GPBP1: variants seen among roughly 807,000 people sequenced by gnomAD.
GPBP1 encodes GC-rich promoter binding protein 1.
GPBP1 carries 13 observed loss-of-function variants against 56.5 expected under a neutral mutation model. The ratio of observed to expected loss-of-function variants is 0.23; its 90% CI spans 0.15 to 0.37. The LOEUF is 0.37. Ranked by LOEUF, GPBP1 falls within the 10% of genes least tolerant of loss-of-function variation. The probability of loss-of-function intolerance (pLI) is 1.00; values close to 1 mark genes in which losing one functional copy is unlikely to be tolerated. For synonymous variants in GPBP1, 204 were observed against 188.9 expected (o/e 1.08, Z -0.66); for missense variants, 477 against 572.3 (o/e 0.83, Z 1.70).
intron 2 of GPBP1, among the ~76,000 whole-genome samples, chr5:57,197,270 CATT>C (rs1468252624): frequency 2.0e-5 from 3 of 151,808 alleles, no homozygotes; most frequent in Admixed American, 6.6e-5. Context: ...GGAGAAGAAT[CATT>C]ATAGAATCTT....
At chr5:57,240,255 G>A (rs80191076) in intron 6 of GPBP1, among the ~76,000 whole-genome samples, 1 of 151,922 alleles carries the variant, frequency 6.6e-6, no homozygotes, top group Non-Finnish European at 1.5e-5. Context: ...TTTCTCCAAA[G>A]AAAGAAATGA....
At chr5:57,180,350 A>G (rs1055126499) in intron 2 of GPBP1, among the ~76,000 whole-genome samples, 2 of 152,158 alleles carry the variant, frequency 1.3e-5, no homozygotes, top group Admixed American at 6.5e-5. Flanking sequence ...TCCTGACCTC[A>G]GGTCAGATGA....
At chr5:57,184,951 A>T (rs1255190482) in intron 2 of GPBP1, among the ~76,000 whole-genome samples, 2 of 152,090 alleles carry the variant, frequency 1.3e-5, no homozygotes, top group Non-Finnish European at 2.9e-5. Flanking sequence ...CCCTGTGGGG[A>T]CATCTTAGTT....
chr5:57,213,664 T>G (rs1561343666), intron 2 of GPBP1, among the ~76,000 whole-genome samples: 1 of 152,168 alleles, frequency 6.6e-6, no homozygotes, highest in Non-Finnish European at 1.5e-5. Context: ...AATTTTATTT[T>G]AGGTGGGCAC....
intron 10 of GPBP1, among the ~76,000 whole-genome samples, chr5:57,252,656 G>A (rs890384985): frequency 6.6e-6 from 1 of 152,008 alleles, no homozygotes; most frequent in Non-Finnish European, 1.5e-5. Context: ...CCCTCCCAAA[G>A]TGCTAGGAGT....
chr5:57,225,970 CAT>C (rs1156284311), intron 3 of GPBP1, among the ~76,000 whole-genome samples: 8 of 152,212 alleles, frequency 5.3e-5, no homozygotes, highest in Non-Finnish European at 1.0e-4. Context: ...AAGTTAACGA[CAT>C]GTGTAGCAAC....
At chr5:57,215,716 G>A (rs1755672623) in intron 3 of GPBP1, among the ~76,000 whole-genome samples, 1 of 152,308 alleles carries the variant, frequency 6.6e-6, no homozygotes, top group East Asian at 1.9e-4. Flanking sequence ...GGCTGTTAGT[G>A]TTTGAATAAA....
At chr5:57,188,526 G>C (rs1350938582) in intron 2 of GPBP1, among the ~76,000 whole-genome samples, 1 of 151,976 alleles carries the variant, frequency 6.6e-6, no homozygotes, top group Non-Finnish European at 1.5e-5. Context: ...GGATTGCTCG[G>C]GAGTTTGCGA....
intron 6 of GPBP1, among the ~76,000 whole-genome samples, chr5:57,241,072 T>G (rs1740804806): frequency 6.6e-6 from 1 of 152,174 alleles, no homozygotes; most frequent in Admixed American, 6.5e-5. Context: ...ATCCAATAAA[T>G]GAAGGAGATT....
chr5:57,193,192 C>G (rs1295557638), intron 2 of GPBP1, among the ~76,000 whole-genome samples: 1 of 152,034 alleles, frequency 6.6e-6, no homozygotes, highest in Non-Finnish European at 1.5e-5. Context: ...TGGTGGGTGC[C>G]TGTAATCCCA....
rs752798244 is a variant in GPBP1, at chr5:57,231,243, T to C, written c.333T>C (p.His111=). ...IFHAGKSQGL[H]ENNIPDNETG... ...ATGCAGGAAAAAGCCAAGGACTACA[T>C]GAAAACAACATACCTGACAATGAAA... Residue 111 remains histidine, a synonymous_variant, in exon 5 of 12, where the codon CAT becomes CAC. Transcript: ENST00000506184. The C allele has an allele frequency of 1.2e-6, 2 of 1,614,088 alleles. No individual in the cohort carries two copies. The highest frequency in any genetic ancestry group is 1.7e-6 in the Non-Finnish European group (2 of 1,179,998).
intron 6 of GPBP1, among the ~76,000 whole-genome samples, chr5:57,236,284 GATA>G (rs1447983177): frequency 8.5e-5 from 13 of 152,166 alleles, no homozygotes; most frequent in African/African-American, 2.7e-4. Flanking sequence ...TGACTTAAAT[GATA>G]ATAAGTTAGT....
rs1753754569 is a variant in GPBP1 at position 57,175,368 on chromosome 5, G to T, written c.-1010-80G>T. 5 of 394,818 alleles carry T rather than the reference G, an allele frequency of 1.3e-5. No homozygotes were observed. In the Admixed American group the frequency reaches 2.2e-4, roughly 17 times the overall value. 24.5% of individuals were successfully genotyped at this position (394,818 alleles called of 1,614,324 possible). On this transcript the variant is annotated intron_variant, in intron 1 of 11. Coordinates refer to ENST00000506184, the MANE Select transcript of GPBP1 (RefSeq NM_022913.4). ...TATAGAAGTGATTTTCTCTCCAGAG[G>T]TTGACTTTTTAAGTTGGGGATTGAT...
At chr5:57,187,003 A>AGTGT (rs66642664) in intron 2 of GPBP1, among the ~76,000 whole-genome samples, 3,807 of 146,728 alleles carry the variant, frequency 0.026, 64 homozygotes, top group East Asian at 0.077. Flanking sequence ...GACTCAGAGA[A>AGTGT]GTGTGTGTGT....
intron 6 of GPBP1, among the ~76,000 whole-genome samples, chr5:57,245,284 G>A (rs902199288): frequency 2.2e-4 from 34 of 152,188 alleles, no homozygotes; most frequent in African/African-American, 7.9e-4. Flanking sequence ...TTATCCTTTA[G>A]CATTTCAATA....
Position 57,225,286 on chromosome 5 carries a change from G to A in GPBP1, c.64-5560G>A, listed in dbSNP as rs976852245. On this transcript the variant is annotated intron_variant, in intron 3 of 11. Transcript: ENST00000506184. Reference sequence around the variant, plus strand: ...ATCCTGGCTAACATGGTGAAACCCCGTCTCTACTAAAACCTGGCTAACATG... The same window carrying A: ...ATCCTGGCTAACATGGTGAAACCCCATCTCTACTAAAACCTGGCTAACATG... 7.7e-5 allele frequency among the ~76,000 whole-genome samples: 11 copies of A among 143,172 alleles called. 1 individual carries two copies. Among genetic ancestry groups the A allele is most frequent in the South Asian group, 6.9e-4 (3 of 4,370 alleles). 93.9% of individuals were successfully genotyped at this position (143,172 alleles called of 152,430 possible). A position where few individuals can be genotyped will look rare whatever the true frequency, so the allele number is the denominator to read the frequency against.
intron 7 of GPBP1, among the ~76,000 whole-genome samples, 185 bp downstream of exon 7, chr5:57,246,669 T>C (rs1246549847): frequency 6.6e-6 from 1 of 152,086 alleles, no homozygotes; most frequent in East Asian, 1.9e-4. Context: ...GTGTGTGTGG[T>C]TTTATTGTTT....
chr5:57,247,055 G>A lies in GPBP1; in HGVS notation c.664-20G>A, dbSNP rs375432915. On this transcript the variant is annotated intron_variant, in intron 7 of 11. Coordinates refer to ENST00000506184, the MANE Select transcript of GPBP1 (RefSeq NM_022913.4). ...TAACCTGTTTTTGATAGCCATTAAT[G>A]TTTGTGTGTTTTTCTTTAGCCTACA... is the stretch of plus-strand genomic sequence containing the variant. 2.3e-5 allele frequency: 36 copies of A among 1,596,942 alleles called. No individual in the cohort carries two copies. In the African/African-American group the frequency reaches 4.6e-4, roughly 20 times the overall value.
chr5:57,250,116 T>C (rs13166224), intron 9 of GPBP1, among the ~76,000 whole-genome samples: 7,243 of 147,340 alleles, frequency 0.049, 254 homozygotes, highest in Non-Finnish European at 0.068. Context: ...GCTGGGACTA[T>C]ATTTATGTGC....
Sources: gnomAD v4.1 joint callset for allele counts (sites outside exome capture counted in the v4.1 genomes callset) on GRCh38, gnomAD v4.1.1 for gene constraint, MANE v1.5 for transcripts, NCBI Gene and HGNC (gene_info 2026-07-23, HGNC 2026-07-21) for gene names.